Variants in PTPRZ1 observed in about 807,000 individuals in gnomAD.
PTPRZ1 encodes the protein protein tyrosine phosphatase receptor type Z1, also known as receptor-type tyrosine-protein phosphatase zeta.
PTPRZ1 carries 82 observed loss-of-function variants against 214.1 expected under a neutral mutation model. That is an observed-to-expected ratio of 0.38 (90% CI 0.32 to 0.46). The LOEUF (loss-of-function observed/expected upper bound fraction) is 0.46, where lower values mean the gene tolerates loss of function less well. Among genes scored for constraint, PTPRZ1 ranks in the 20% least tolerant of loss-of-function variants. The pLI, the probability that PTPRZ1 is intolerant of heterozygous loss-of-function variation, is 1.00. For missense variants in PTPRZ1, 2,603 were observed against 2,748.7 expected (o/e 0.95, Z 1.19); for synonymous variants, 945 against 987.9 (o/e 0.96, Z 0.81).
intron 2 of PTPRZ1, among the ~76,000 whole-genome samples, chr7:121,948,656 T>C (rs1584671496): frequency 6.6e-6 from 1 of 152,006 alleles, no homozygotes; most frequent in Non-Finnish European, 1.5e-5. Flanking sequence ...AAGTGGCTGC[T>C]TATGGAAGAG....
Position 122,056,119 on chromosome 7 carries a change from A to T in PTPRZ1, c.6528+1032A>T, listed in dbSNP as rs59733273. On this transcript the variant is annotated intron_variant, in intron 27 of 29. Coordinates refer to ENST00000393386, the MANE Select transcript of PTPRZ1 (RefSeq NM_002851.3). ...AATTTCTATCTCTGATTACTCCCTG[A>T]TCACTTTAGTAGCATCCATTTAGAT... Among the ~76,000 whole-genome samples, 592 of 151,960 alleles carry T rather than the reference A, an allele frequency of 3.9e-3. 4 individuals are homozygous for T. Among genetic ancestry groups the T allele is most frequent in the African/African-American group, 0.014 (562 of 41,536 alleles).
intron 26 of PTPRZ1, among the ~76,000 whole-genome samples, chr7:122,054,454 T>C (rs929880443): frequency 6.6e-6 from 1 of 152,118 alleles, no homozygotes; most frequent in Non-Finnish European, 1.5e-5. Context: ...TTTCCTAGTA[T>C]AGGAAGGACT....
Position 121,930,503 on chromosome 7 carries a change from C to CTAT in PTPRZ1, c.124+2284_124+2286dup, listed in dbSNP as rs1200475850. 2.0e-5 allele frequency among the ~76,000 whole-genome samples: 3 copies of CTAT among 151,988 alleles called. No homozygotes were observed. The East Asian group carries it at 5.8e-4, about 29-fold the overall frequency. On this transcript the variant is annotated intron_variant, in intron 2 of 29. Transcript: ENST00000393386. ...AAGGTTGTTGGACCAAAGGGCCTAC[C>CTAT]TATTTATAATATTAACAGATATGTT...
chr7:121,899,029 A>G (rs1167761371), intron 1 of PTPRZ1, among the ~76,000 whole-genome samples: 1 of 152,186 alleles, frequency 6.6e-6, no homozygotes, highest in Non-Finnish European at 1.5e-5. Context: ...GTATATTGCT[A>G]TAATTTAGAT....
intron 1 of PTPRZ1, among the ~76,000 whole-genome samples, chr7:121,903,331 G>A (rs1795024710): frequency 6.6e-6 from 1 of 151,986 alleles, no homozygotes; most frequent in African/African-American, 2.4e-5. Context: ...ATCAACTACA[G>A]TATCATTTAT....
chr7:121,944,865 A>G (rs1796326344), intron 2 of PTPRZ1, among the ~76,000 whole-genome samples: 2 of 151,632 alleles, frequency 1.3e-5, no homozygotes, highest in South Asian at 4.2e-4. Context: ...CTGGTTTCTC[A>G]CTCCTGACCT....
chr7:122,011,437 GCCTGTATTT>G lies in PTPRZ1; in HGVS notation c.2394_2402del (p.Val799_Pro801del), dbSNP rs1562860889. 4 of 1,613,858 alleles carry G rather than the reference GCCTGTATTT, an allele frequency of 2.5e-6. No homozygotes were observed. The highest frequency in any genetic ancestry group is 3.4e-6 in the Non-Finnish European group (4 of 1,179,986). ...GTAGTGATTCGGCCTTGCATGCTACGCCTGTATTTCCCAGTGTCGATGTGTCATTTGAAT... is the reference window on the plus strand; with the variant it reads ...GTAGTGATTCGGCCTTGCATGCTACGCCCAGTGTCGATGTGTCATTTGAAT... On this transcript the variant is annotated inframe_deletion, in exon 12 of 30. Coordinates refer to ENST00000393386, the MANE Select transcript of PTPRZ1 (RefSeq NM_002851.3).
At chr7:121,979,359 T>C (rs962425467) in intron 6 of PTPRZ1, among the ~76,000 whole-genome samples, 1 of 152,172 alleles carries the variant, frequency 6.6e-6, no homozygotes, top group Non-Finnish European at 1.5e-5. Flanking sequence ...TTGCAATCTT[T>C]CGAGTTGCAG....
chr7:121,986,331 C>T (rs1797762266), intron 8 of PTPRZ1, among the ~76,000 whole-genome samples: 1 of 152,180 alleles, frequency 6.6e-6, no homozygotes, highest in Non-Finnish European at 1.5e-5. Flanking sequence ...ACCCAAGTCT[C>T]CCTGAATCTA....
chr7:122,040,313 T>A (rs1799685390), intron 20 of PTPRZ1, among the ~76,000 whole-genome samples: 2 of 152,198 alleles, frequency 1.3e-5, no homozygotes, highest in African/African-American at 4.8e-5. Flanking sequence ...TTTTTAAGAA[T>A]TGACTCACAT....
chr7:122,040,778 GTGTGTT>G (rs777324359), intron 20 of PTPRZ1, 32 bp from the exon 21 acceptor site: 3 of 979,674 alleles, frequency 3.1e-6, no homozygotes, highest in Admixed American at 2.4e-5. Flanking sequence ...GTGTGTGTGT[GTGTGTT>G]TGACTGTTAT....
Position 122,011,635 on chromosome 7 carries a change from T to G in PTPRZ1, c.2589T>G (p.Ala863=), listed in dbSNP as rs1482420090. 13 of 1,613,940 alleles carry G rather than the reference T, an allele frequency of 8.1e-6. No individual in the cohort carries two copies. Among genetic ancestry groups the G allele is most frequent in the Non-Finnish European group, 1.1e-5 (13 of 1,179,990 alleles). The part of the protein sequence containing the change: ...KVPLHASLPV[A]GGDLLLEPSL... ...CCTTGCATGCTTCTCTGCCAGTGGC[T>G]GGGGGTGATTTGCTATTAGAGCCCA... The change falls in exon 12 of 30, where the codon GCT becomes GCG. Residue 863 remains alanine, a synonymous_variant. Coordinates refer to ENST00000393386, the MANE Select transcript of PTPRZ1 (RefSeq NM_002851.3).
intron 22 of PTPRZ1, among the ~76,000 whole-genome samples, chr7:122,043,508 T>C (rs1054444239): frequency 6.6e-6 from 1 of 152,222 alleles, no homozygotes; most frequent in Admixed American, 6.5e-5. Context: ...GCATTTTATC[T>C]TCACTGTTTC....
chr7:121,929,243 A>C (rs1795853139), intron 2 of PTPRZ1, among the ~76,000 whole-genome samples: 1 of 152,032 alleles, frequency 6.6e-6, no homozygotes, highest in African/African-American at 2.4e-5. Flanking sequence ...TATTATCCAA[A>C]ATTTATATAT....
chr7:122,010,863 G>C lies in PTPRZ1; in HGVS notation c.1817G>C (p.Gly606Ala). The stretch of plus-strand genomic sequence containing the variant: ...TTCATCTCTGAGAACATATCCCAAG[G>C]GTATATATTTTCCTCCGAAAACCCA... ...IPFISENISQGYIFSSENPET... is the reference protein window; with the variant it reads ...IPFISENISQAYIFSSENPET... Residue 606 changes from glycine (G) to alanine (A), a missense_variant, in exon 12 of 30, where the codon GGG (glycine) becomes GCG (alanine). Physicochemically the swap from Gly to Ala is moderately conservative, Grantham distance 60. Coordinates refer to ENST00000393386, the MANE Select transcript of PTPRZ1 (RefSeq NM_002851.3). The C allele has an allele frequency of 6.2e-7, 1 of 1,613,836 alleles. No individual in the cohort carries two copies. The highest frequency in any genetic ancestry group is 1.7e-4 in the Middle Eastern group (1 of 6,060).
intron 2 of PTPRZ1, among the ~76,000 whole-genome samples, chr7:121,957,374 C>T (rs765887117): frequency 3.3e-5 from 5 of 152,148 alleles, no homozygotes; most frequent in African/African-American, 7.2e-5. Flanking sequence ...CAGCTGGGCA[C>T]GGAATGCAGC....
chr7:121,970,602 T>C (rs1045404258), intron 3 of PTPRZ1, among the ~76,000 whole-genome samples: 4 of 152,206 alleles, frequency 2.6e-5, no homozygotes, highest in African/African-American at 9.6e-5. Flanking sequence ...AATGTCTTCT[T>C]TTGAGAAGTG....
Position 121,875,043 on chromosome 7 carries a change from GAAA to G in PTPRZ1, c.58+1497_58+1499del, listed in dbSNP as rs10562894. On this transcript the variant is annotated intron_variant, in intron 1 of 29. Coordinates refer to ENST00000393386, the MANE Select transcript of PTPRZ1 (RefSeq NM_002851.3). ...CCCAGAGCATGTTGCGGATCTCTTT[GAAA>G]AAAAAAAAAAGATAAAATTCACACA... 1.6e-4 allele frequency among the ~76,000 whole-genome samples: 24 copies of G among 147,222 alleles called. 1 individual carries two copies. Among genetic ancestry groups the G allele is most frequent in the Admixed American group, 1.2e-3 (17 of 14,720 alleles).
chr7:122,052,846 T>G (rs745541757), intron 25 of PTPRZ1, among the ~76,000 whole-genome samples: 1 of 152,220 alleles, frequency 6.6e-6, no homozygotes, highest in Non-Finnish European at 1.5e-5. Flanking sequence ...TCCCACTCTC[T>G]GTGGAGTAAG....
Sources: gnomAD v4.1 joint callset for allele counts (sites outside exome capture counted in the v4.1 genomes callset) on GRCh38, gnomAD v4.1.1 for gene constraint, MANE v1.5 for transcripts, NCBI Gene and HGNC (gene_info 2026-07-23, HGNC 2026-07-21) for gene names.